Variants in PLCB4 observed in about 807,000 individuals in gnomAD.
PLCB4 encodes the protein phospholipase C beta 4.
In PLCB4, 77 loss-of-function variants were observed where a neutral mutation model predicts 178.8. The ratio of observed to expected loss-of-function variants is 0.43; its 90% confidence interval spans 0.36 to 0.52. The LOEUF (loss-of-function observed/expected upper bound fraction) is 0.52. Ranked by LOEUF, PLCB4 falls within the 20% of genes least tolerant of loss-of-function variation. PLCB4 has a pLI of 0.00. For synonymous variants in PLCB4, 496 were observed against 490.8 expected (o/e 1.01, Z -0.14); for missense variants, 1,024 against 1,453.4 (o/e 0.70, Z 4.80).
intron 17 of PLCB4, among the ~76,000 whole-genome samples, chr20:9,391,084 T>C (rs572422684): frequency 3.7e-4 from 57 of 152,276 alleles, no homozygotes; most frequent in African/African-American, 1.3e-3. Context: ...CTGTGGAAAG[T>C]GCCCTGGATT....
chr20:9,114,641 T>C (rs1175733402), intron 2 of PLCB4, among the ~76,000 whole-genome samples: 1 of 152,176 alleles, frequency 6.6e-6, no homozygotes, highest in Non-Finnish European at 1.5e-5. Flanking sequence ...GGAGGAAGAC[T>C]ATCAAGTTCT....
At position 9,348,803 on chromosome 20, in the gene PLCB4, G is replaced by A. The variant is rs185781565; in HGVS notation, c.369+9766G>A. 2.3e-3 allele frequency among the ~76,000 whole-genome samples: 350 copies of A among 152,234 alleles called. 1 individual carries two copies. The highest frequency in any genetic ancestry group is 4.5e-3 in the Non-Finnish European group (306 of 68,022). On this transcript the variant is annotated intron_variant, in intron 7 of 39. Transcript: ENST00000378473. ...AGAGGATATTTGCTGTTGTTTTCGGGGAATTTTGTCACCTGTATCAGTGAA... is the reference window on the plus strand; with the variant it reads ...AGAGGATATTTGCTGTTGTTTTCGGAGAATTTTGTCACCTGTATCAGTGAA...
At chr20:9,213,502 T>C (rs2093696091) in intron 2 of PLCB4, among the ~76,000 whole-genome samples, 1 of 152,242 alleles carries the variant, frequency 6.6e-6, no homozygotes, top group African/African-American at 2.4e-5. Context: ...GTTGCATTTT[T>C]GAATTGCTGG....
intron 4 of PLCB4, among the ~76,000 whole-genome samples, chr20:9,323,241 T>G (rs1313448387): frequency 1.3e-5 from 2 of 152,222 alleles, no homozygotes; most frequent in African/African-American, 4.8e-5. Flanking sequence ...CATGGTTCAC[T>G]TCCTCACTTC....
chr20:9,149,937 C>T (rs1025464657), intron 2 of PLCB4, among the ~76,000 whole-genome samples: 1 of 152,120 alleles, frequency 6.6e-6, no homozygotes, highest in Non-Finnish European at 1.5e-5. Context: ...CTTAGTTAAC[C>T]CTCTGAAGCA....
chr20:9,093,861 C>T (rs2090790211), intron 1 of PLCB4, among the ~76,000 whole-genome samples: 1 of 151,982 alleles, frequency 6.6e-6, no homozygotes, highest in African/African-American at 2.4e-5. Context: ...GAGAGCTCAG[C>T]TTTAGTGTCA....
chr20:9,257,537 C>T (rs1310776027), intron 3 of PLCB4, among the ~76,000 whole-genome samples: 1 of 152,046 alleles, frequency 6.6e-6, no homozygotes, highest in Non-Finnish European at 1.5e-5. Flanking sequence ...AGTAAGAAAG[C>T]CAAATTTTAA....
rs564452314 is a variant in PLCB4, at chr20:9,217,901, G to T, written c.-16+449G>T. Among the ~76,000 whole-genome samples, 4 of 152,064 alleles carry T rather than the reference G, an allele frequency of 2.6e-5. No homozygotes were observed. The South Asian group carries it at 8.3e-4, about 32-fold the overall frequency. ...CCTCCATTTTGGGGGAACTACCAGG[G>T]GATGATGTAAATAAATTCTTCCAGT... On this transcript the variant is annotated intron_variant, in intron 3 of 39. Transcript: ENST00000378473.
intron 9 of PLCB4, among the ~76,000 whole-genome samples, chr20:9,366,571 C>G (rs899205641): frequency 6.6e-6 from 1 of 152,184 alleles, no homozygotes; most frequent in Non-Finnish European, 1.5e-5. Context: ...TTAGGGTTTA[C>G]ACATGGTCTC....
chr20:9,441,896 C>G (rs2042127763), intron 30 of PLCB4, among the ~76,000 whole-genome samples: 1 of 144,926 alleles, frequency 6.9e-6, no homozygotes, highest in Non-Finnish European at 1.5e-5. Flanking sequence ...ACAGCAACAA[C>G]TGCACCAACA....
intron 3 of PLCB4, among the ~76,000 whole-genome samples, chr20:9,307,494 T>TATATATACACACAC (rs1396442853): frequency 2.2e-5 from 3 of 138,096 alleles, no homozygotes; most frequent in African/African-American, 8.3e-5. Context: ...AAAAAAAGAA[T>TATATATACACACAC]ACACACACAC....
intron 1 of PLCB4, among the ~76,000 whole-genome samples, chr20:9,095,569 A>G (rs1026261621): frequency 1.3e-5 from 2 of 152,202 alleles, no homozygotes; most frequent in African/African-American, 2.4e-5. Context: ...TGGCTTGAAT[A>G]TGTAAAGTTA....
intron 7 of PLCB4, among the ~76,000 whole-genome samples, chr20:9,341,722 C>T (rs1340718701): frequency 6.6e-6 from 1 of 151,416 alleles, no homozygotes; most frequent in Non-Finnish European, 1.5e-5. Flanking sequence ...CCATGTTGTT[C>T]CATGACCAGT....
intron 3 of PLCB4, among the ~76,000 whole-genome samples, chr20:9,301,663 C>T (rs1338756579): frequency 5.3e-5 from 8 of 152,100 alleles, no homozygotes; most frequent in African/African-American, 1.9e-4. Context: ...GAATATTTGG[C>T]CCCTCGACAG....
At chr20:9,384,617 G>A (rs2037421292) in intron 14 of PLCB4, among the ~76,000 whole-genome samples, 2 of 152,106 alleles carry the variant, frequency 1.3e-5, no homozygotes. Context: ...AGACTTTACT[G>A]TGAAAAGACT....
intron 9 of PLCB4, among the ~76,000 whole-genome samples, chr20:9,369,625 G>A (rs745671092): frequency 1.6e-4 from 24 of 152,160 alleles, no homozygotes; most frequent in Admixed American, 2.6e-4. Context: ...TCTTAAAAAT[G>A]TACTTCTTGA....
chr20:9,440,536 A>C (rs6118618), intron 30 of PLCB4, among the ~76,000 whole-genome samples: 19,596 of 152,180 alleles, frequency 0.13, 1,284 homozygotes, highest in East Asian at 0.16. Flanking sequence ...AACCATCTGT[A>C]TGTCAGGTTC....
At chr20:9,141,166 A>G (rs1262768762) in intron 2 of PLCB4, among the ~76,000 whole-genome samples, 3 of 152,088 alleles carry the variant, frequency 2.0e-5, no homozygotes, top group Non-Finnish European at 4.4e-5. Context: ...GGGGCCCTAA[A>G]TCTGTACTCA....
intron 2 of PLCB4, among the ~76,000 whole-genome samples, chr20:9,182,638 G>A (rs947907376): frequency 3.9e-5 from 6 of 152,176 alleles, no homozygotes; most frequent in African/African-American, 1.4e-4. Flanking sequence ...AGGGCAGGTG[G>A]TTGGCCTGTT....
Sources: gnomAD v4.1 joint callset for allele counts (sites outside exome capture counted in the v4.1 genomes callset) on GRCh38, gnomAD v4.1.1 for gene constraint, MANE v1.5 for transcripts, NCBI Gene and HGNC (gene_info 2026-07-23, HGNC 2026-07-21) for gene names.